The following FOCAD variants were observed in gnomAD, a reference collection of about 807,000 sequenced individuals.
FOCAD encodes the protein focadhesin.
In FOCAD, 198 loss-of-function variants were observed where a neutral mutation model predicts 225.6. That is an observed-to-expected ratio of 0.88 (90% CI 0.78 to 0.99). FOCAD has a LOEUF of 0.99. Among genes scored for constraint, FOCAD ranks in the 50% least tolerant of loss-of-function variants. FOCAD has a pLI of 0.00. For synonymous variants in FOCAD, 897 were observed against 755.0 expected, an observed-to-expected ratio of 1.19 and a Z score of -3.08; for missense variants, 2,713 against 2,123.6, an observed-to-expected ratio of 1.28 and a Z score of -5.46.
chr9:20,709,303 C>A (rs1824644364), intron 1 of FOCAD, among the ~76,000 whole-genome samples: 1 of 152,062 alleles, frequency 6.6e-6, no homozygotes, highest in Non-Finnish European at 1.5e-5. Context: ...GGAGATAAAT[C>A]TTTGAAAATC....
At chr9:20,792,228 T>C (rs988380312) in intron 11 of FOCAD, among the ~76,000 whole-genome samples, 2 of 152,206 alleles carry the variant, frequency 1.3e-5, no homozygotes, top group African/African-American at 4.8e-5. Flanking sequence ...TATGGTAAGA[T>C]TAAATACTTA....
chr9:20,698,838 A>G (rs1823600068), intron 1 of FOCAD, among the ~76,000 whole-genome samples: 1 of 151,990 alleles, frequency 6.6e-6, no homozygotes, highest in Non-Finnish European at 1.5e-5. Flanking sequence ...AGATTTGTCC[A>G]TTAATACTTT....
In FOCAD at chr9:20,720,431, G is replaced by C. The variant is rs1825681827; in HGVS notation, c.184G>C (p.Val62Leu). The C allele has an allele frequency of 6.2e-7, 1 of 1,613,972 alleles. No homozygotes were observed. Among genetic ancestry groups the C allele is most frequent in the Admixed American group, 1.7e-5 (1 of 59,998 alleles). Residue 62 changes from valine to leucine, a missense_variant, in exon 4 of 44, where the codon GTT becomes CTT. Physicochemically the swap from Val to Leu is conservative, Grantham distance 32. Coordinates refer to ENST00000338382, the MANE Select transcript of FOCAD (RefSeq NM_001375567.1). ...WEKCCSDNVV[V>L]RTACCEGLVA... ...GAAGTGTTGCAGTGACAATGTAGTG[G>C]TTCGAACAGCCTGCTGTGAAGGTCT...
At position 20,785,821 on chromosome 9, in the gene FOCAD, G is replaced by T. The variant is rs568543365; in HGVS notation, c.1198-3530G>T. Among the ~76,000 whole-genome samples, 3 of 152,246 alleles carry T rather than the reference G, an allele frequency of 2.0e-5. No individual in the cohort carries two copies. The South Asian group carries it at 6.2e-4, about 32-fold the overall frequency. On this transcript the variant is annotated intron_variant, in intron 10 of 43. Coordinates refer to ENST00000338382, the MANE Select transcript of FOCAD (RefSeq NM_001375567.1). ...ATAACTCTATGTTTCACAGTTTGGGGGAATGGCCAGATTGTTTTCCAAAGG... is the reference window on the plus strand; with the variant it reads ...ATAACTCTATGTTTCACAGTTTGGGTGAATGGCCAGATTGTTTTCCAAAGG...
intron 15 of FOCAD, among the ~76,000 whole-genome samples, chr9:20,852,466 C>T (rs924859154): frequency 1.3e-5 from 2 of 148,902 alleles, no homozygotes; most frequent in Admixed American, 6.8e-5. Context: ...TCTGTGGATA[C>T]ATAGGGTGGG....
chr9:20,824,258 A>G (rs936344370), intron 15 of FOCAD, among the ~76,000 whole-genome samples: 1 of 152,074 alleles, frequency 6.6e-6, no homozygotes, highest in African/African-American at 2.4e-5. Context: ...TACTTTCATA[A>G]TAAGTAATCC....
intron 3 of FOCAD, among the ~76,000 whole-genome samples, chr9:20,719,955 A>G (rs1825648731): frequency 6.6e-6 from 1 of 152,042 alleles, no homozygotes; most frequent in African/African-American, 2.4e-5. Flanking sequence ...GAGAGAAGGA[A>G]CATCTTCTGA....
At position 20,947,888 on chromosome 9, in the gene FOCAD, C is replaced by T. The variant is rs1837330184; in HGVS notation, c.3676-383C>T. The stretch of plus-strand genomic sequence containing the variant: ...TGAAAAATTGAAATGTAGAATTTTT[C>T]ATATACTTTGCTTTTTATGGGATGC... On this transcript the variant is annotated intron_variant, in intron 30 of 43. Transcript: ENST00000338382. Among the ~76,000 whole-genome samples, 3 of 152,140 alleles carry T rather than the reference C, an allele frequency of 2.0e-5. No individual in the cohort carries two copies. The South Asian group carries it at 6.2e-4, about 32-fold the overall frequency.
At chr9:20,866,622 A>G (rs1412565145) in intron 17 of FOCAD, among the ~76,000 whole-genome samples, 1 of 152,034 alleles carries the variant, frequency 6.6e-6, no homozygotes, top group Non-Finnish European at 1.5e-5. Flanking sequence ...TTCTCCAGAA[A>G]AATGTTTAAT....
chr9:20,869,531 C>G (rs1048796804), intron 18 of FOCAD, among the ~76,000 whole-genome samples: 16 of 151,906 alleles, frequency 1.1e-4, no homozygotes, highest in African/African-American at 3.9e-4. Context: ...AGAGGATTGG[C>G]AGATATCAGA....
At chr9:20,788,596 G>A (rs921327648) in intron 10 of FOCAD, among the ~76,000 whole-genome samples, 1 of 151,526 alleles carries the variant, frequency 6.6e-6, no homozygotes, top group East Asian at 2.1e-4. Context: ...GAGATTTCCA[G>A]TCTGTCACAA....
chr9:20,806,562 T>C (rs188966511), intron 11 of FOCAD, among the ~76,000 whole-genome samples: 10 of 152,298 alleles, frequency 6.6e-5, no homozygotes, highest in African/African-American at 2.4e-4. Flanking sequence ...TCTAAGTACT[T>C]GTAAGATCCC....
At chr9:20,768,156 G>C (rs1004819985) in intron 7 of FOCAD, among the ~76,000 whole-genome samples, 1 of 148,516 alleles carries the variant, frequency 6.7e-6, no homozygotes, top group African/African-American at 2.5e-5. Context: ...CGTTATTTCT[G>C]AGGGCTCTGT....
At chr9:20,889,718 A>G (rs186138329) in intron 21 of FOCAD, among the ~76,000 whole-genome samples, 1 of 152,320 alleles carries the variant, frequency 6.6e-6, no homozygotes, top group East Asian at 1.9e-4. Flanking sequence ...AGTTCTGACT[A>G]TGCTAGATCT....
chr9:20,762,241 C>G (rs754956205), intron 6 of FOCAD, among the ~76,000 whole-genome samples: 2 of 152,138 alleles, frequency 1.3e-5, no homozygotes, highest in African/African-American at 2.4e-5. Context: ...GGAACTTTCA[C>G]TTTGTATTTC....
At position 20,929,096 on chromosome 9, in the gene FOCAD, T is replaced by C. The variant is rs546478245; in HGVS notation, c.3079-262T>C. 50 of 364,202 alleles carry C rather than the reference T, an allele frequency of 1.4e-4. No homozygotes were observed. In the South Asian group the frequency reaches 2.0e-3, roughly 14 times the overall value. 22.6% of individuals were successfully genotyped at this position (364,202 alleles called of 1,614,324 possible). ...TCAAGCCTTATAGTGAGGGAATTTA[T>C]AACCTTTAAAAGGAAGACGCTTGTA... On this transcript the variant is annotated intron_variant, in intron 26 of 43. Coordinates refer to ENST00000338382, the MANE Select transcript of FOCAD (RefSeq NM_001375567.1).
intron 43 of FOCAD, 118 bp from the exon 44 acceptor site, chr9:20,995,438 A>G: frequency 1.7e-6 from 1 of 578,536 alleles, no homozygotes; most frequent in Non-Finnish European, 3.0e-6. Flanking sequence ...CAAAATATCG[A>G]TGGAACTCCC....
rs548133655 is a variant in FOCAD, at chr9:20,800,173, G to T, written c.1455+10565G>T. ...TTTTCTTTAAAATTGTTAAATATTG[G>T]CTCCCACTCTCTTCTGGCTTGTAGA... On this transcript the variant is annotated intron_variant, in intron 11 of 43. Coordinates refer to ENST00000338382, the MANE Select transcript of FOCAD (RefSeq NM_001375567.1). 2.2e-3 allele frequency among the ~76,000 whole-genome samples: 330 copies of T among 152,108 alleles called. 6 individuals are homozygous for T. Among genetic ancestry groups the T allele is most frequent in the Non-Finnish European group, 5.1e-4 (35 of 68,024 alleles).
At chr9:20,715,507 C>G in intron 2 of FOCAD, 97 bp downstream of exon 2, 1 of 483,614 alleles carries the variant, frequency 2.1e-6, no homozygotes, top group Non-Finnish European at 3.2e-6. Context: ...ATATTTTATT[C>G]TACATGTAGA....
Sources: allele counts gnomAD v4.1 joint callset (sites outside exome capture counted in the v4.1 genomes callset), GRCh38; gene constraint gnomAD v4.1.1; transcripts MANE v1.5; gene names NCBI Gene and HGNC (gene_info 2026-07-23, HGNC 2026-07-21).